Variants in RARB observed in about 807,000 individuals in gnomAD.
RARB encodes the protein HBV-activated protein.
In RARB, 17 loss-of-function variants were observed where a neutral mutation model predicts 51.9. The observed-to-expected ratio is 0.33, with a 90% CI of 0.22 to 0.49. The LOEUF is 0.49. Ranked by LOEUF, RARB falls within the 20% of genes least tolerant of loss-of-function variation. The pLI is 0.99. For missense variants in RARB, 369 were observed against 550.8 expected (o/e 0.67, Z 3.30); for synonymous variants, 215 against 195.4 (o/e 1.10, Z -0.84).
chr3:25,329,956 G>A (rs1220338913), intron 5 of RARB, among the ~76,000 whole-genome samples: 1 of 152,010 alleles, frequency 6.6e-6, no homozygotes, highest in Non-Finnish European at 1.5e-5. Context: ...GAGAAGAGAA[G>A]TTTAGAGAAA....
At position 25,461,206 on chromosome 3, in the gene RARB, G is replaced by C. The variant is rs200283419; in HGVS notation, c.171G>C (p.Gln57His). 10 of 1,611,108 alleles carry C rather than the reference G, an allele frequency of 6.2e-6. No homozygotes were observed. Among genetic ancestry groups the C allele is most frequent in the Admixed American group, 1.7e-5 (1 of 59,344 alleles). The change falls in exon 2 of 8, where the codon CAG becomes CAC. Residue 57 changes from glutamine (Q) to histidine (H), a missense_variant. Physicochemically the swap from Gln to His is conservative, Grantham distance 24. Around this residue, in one of 9 missense-constraint regions of RARB, gnomAD observed 99 missense variants for 95.1 expected, o/e 1.04. Coordinates refer to ENST00000330688, the MANE Select transcript of RARB (RefSeq NM_000965.5). ...HRHTAQSIETQSTSSEELVPS... is the reference protein window; with the variant it reads ...HRHTAQSIETHSTSSEELVPS... ...TCTCTATTATAGCAATTGAAACACA[G>C]AGCACCAGCTCTGAGGAACTCGTCC...
upstream of RARB, among the ~76,000 whole-genome samples, chr3:25,426,950 T>C (rs1028889979): frequency 6.6e-6 from 1 of 152,218 alleles, no homozygotes; most frequent in African/African-American, 2.4e-5. Context: ...TCATTTTCCC[T>C]TAAAATTACT....
intron 2 of RARB, among the ~76,000 whole-genome samples, chr3:25,046,626 G>A (rs888461107): frequency 2.6e-5 from 4 of 151,802 alleles, no homozygotes; most frequent in African/African-American, 9.7e-5. Flanking sequence ...GCTAATTTTT[G>A]TATTTTTTGA....
intron 5 of RARB, among the ~76,000 whole-genome samples, chr3:25,261,453 A>G (rs908501988): frequency 3.9e-5 from 6 of 151,970 alleles, no homozygotes; most frequent in African/African-American, 7.3e-5. Context: ...CTGAGGTTCT[A>G]TTTTCAGCCT....
At chr3:25,457,881 C>G (rs1019986228) in intron 1 of RARB, among the ~76,000 whole-genome samples, 1 of 152,168 alleles carries the variant, frequency 6.6e-6, no homozygotes, top group Admixed American at 6.5e-5. Flanking sequence ...ACACCGCTCC[C>G]CACCTTCCTT....
Position 25,467,077 on chromosome 3 carries a change from A to T in RARB, c.306+5736A>T, listed in dbSNP as rs138963702. 1.3e-5 allele frequency among the ~76,000 whole-genome samples: 2 copies of T among 152,192 alleles called. 1 individual carries two copies. The highest frequency in any genetic ancestry group is 4.1e-4 in the South Asian group (2 of 4,828). On this transcript the variant is annotated intron_variant, in intron 2 of 7. Coordinates refer to ENST00000330688, the MANE Select transcript of RARB (RefSeq NM_000965.5). The stretch of plus-strand genomic sequence containing the variant: ...CTCTGTGGCTTAGAAGCTTTAAGCC[A>T]TGTCTGGTCATTCCTCCACCCTTCC...
chr3:24,968,512 C>T (rs768760727), intron 2 of RARB, among the ~76,000 whole-genome samples: 2 of 152,078 alleles, frequency 1.3e-5, no homozygotes, highest in African/African-American at 4.8e-5. Context: ...GGGCTGGGAT[C>T]AGTTGGGCTG....
intron 2 of RARB, among the ~76,000 whole-genome samples, chr3:25,039,834 G>A (rs750768211): frequency 1.6e-4 from 25 of 152,208 alleles, no homozygotes; most frequent in Admixed American, 9.8e-4. Context: ...GAGAATTGTT[G>A]CATAGATTTT....
chr3:24,831,611 CA>C (rs1012369052), intron 1 of RARB, among the ~76,000 whole-genome samples: 14 of 141,218 alleles, frequency 9.9e-5, no homozygotes, highest in African/African-American at 3.2e-4. Flanking sequence ...CCTTCTTGGA[CA>C]AAAAAAAATA....
chr3:24,957,112 C>T (rs938505458), intron 2 of RARB, among the ~76,000 whole-genome samples: 1 of 152,160 alleles, frequency 6.6e-6, no homozygotes, highest in African/African-American at 2.4e-5. Flanking sequence ...CAGAGAGGGC[C>T]TTCACCAAGA....
chr3:25,337,126 T>C (rs1705086460), intron 5 of RARB, among the ~76,000 whole-genome samples: 1 of 152,108 alleles, frequency 6.6e-6, no homozygotes, highest in Admixed American at 6.6e-5. Context: ...ATGTACTAAA[T>C]TAGAAGAGGC....
chr3:25,333,771 C>G (rs868282665), intron 5 of RARB, among the ~76,000 whole-genome samples: 1 of 152,312 alleles, frequency 6.6e-6, no homozygotes, highest in Admixed American at 6.5e-5. Flanking sequence ...TTTTTACATT[C>G]TACCCATCTG....
chr3:25,297,701 G>C (rs574760138), intron 5 of RARB, among the ~76,000 whole-genome samples: 1 of 152,084 alleles, frequency 6.6e-6, no homozygotes, highest in Admixed American at 6.6e-5. Flanking sequence ...TTAAAAGCAA[G>C]AGATGGTCCC....
chr3:25,377,422 T>A (rs1030074474), intron 5 of RARB, among the ~76,000 whole-genome samples: 1 of 152,222 alleles, frequency 6.6e-6, no homozygotes, highest in Non-Finnish European at 1.5e-5. Context: ...ATGGCAGCAT[T>A]CTTACATGCT....
chr3:25,482,705 A>G (rs58220846), intron 2 of RARB, among the ~76,000 whole-genome samples: 15,608 of 150,802 alleles, frequency 0.1, 1,034 homozygotes, highest in African/African-American at 0.2. Flanking sequence ...ATGCCCGGCT[A>G]TTTTTTTGTA....
At chr3:24,849,316 G>T (rs140042330) in intron 1 of RARB, among the ~76,000 whole-genome samples, 7 of 152,142 alleles carry the variant, frequency 4.6e-5, no homozygotes. Flanking sequence ...TGCAGATAAG[G>T]GGGGAGCTAC....
chr3:25,466,049 T>C (rs1695415028), intron 2 of RARB, among the ~76,000 whole-genome samples: 1 of 152,082 alleles, frequency 6.6e-6, no homozygotes, highest in Non-Finnish European at 1.5e-5. Context: ...TCTGGAAAAA[T>C]GGGGGTGATA....
At chr3:25,553,721 A>C (rs1415281666) in intron 3 of RARB, among the ~76,000 whole-genome samples, 2 of 152,088 alleles carry the variant, frequency 1.3e-5, no homozygotes, top group Admixed American at 6.6e-5. Context: ...CTTCGCTGCA[A>C]CCTGGCAGGA....
At chr3:25,436,400 A>G (rs1708437375) in intron 1 of RARB, among the ~76,000 whole-genome samples, 1 of 152,212 alleles carries the variant, frequency 6.6e-6, no homozygotes, top group African/African-American at 2.4e-5. Flanking sequence ...GAGTTCTGGA[A>G]CTGTTTCATG....
Sources: gnomAD v4.1 joint callset for allele counts (sites outside exome capture counted in the v4.1 genomes callset) on GRCh38, gnomAD v4.1.1 for gene constraint, gnomAD v4.1.1 regional missense constraint, MANE v1.5 for transcripts, NCBI Gene and HGNC (gene_info 2026-07-23, HGNC 2026-07-21) for gene names.